Variants in RARRES1 observed in about 807,000 individuals in gnomAD.
The protein encoded by RARRES1 is retinoic acid receptor responder protein 1.
In RARRES1, 34 loss-of-function variants were observed where a neutral mutation model predicts 30.6. The observed-to-expected ratio is 1.11, with a 90% CI of 0.84 to 1.48. RARRES1 has a LOEUF of 1.48. Ranked by LOEUF, RARRES1 falls within the 40% of genes most tolerant of loss-of-function variation. The pLI, the probability that RARRES1 is intolerant of heterozygous loss-of-function variation, is 0.00. For synonymous variants in RARRES1, 153 were observed against 155.5 expected, an observed-to-expected ratio of 0.98 and a Z score of 0.12; for missense variants, 373 against 386.5, an observed-to-expected ratio of 0.97 and a Z score of 0.29.
chr3:158,725,678 A>G (rs76748612), intron 1 of RARRES1, among the ~76,000 whole-genome samples: 1 of 152,258 alleles, frequency 6.6e-6, no homozygotes, highest in South Asian at 2.1e-4. Context: ...GGTAAAAAAA[A>G]CATTCCTACT....
chr3:158,728,364 C>T (rs1322530505), intron 1 of RARRES1, among the ~76,000 whole-genome samples: 2 of 152,168 alleles, frequency 1.3e-5, no homozygotes, highest in African/African-American at 4.8e-5. Flanking sequence ...CTACACTTCT[C>T]TTCCTTACCT....
chr3:158,710,908 C>T lies in RARRES1; in HGVS notation c.365G>A (p.Arg122His), dbSNP rs375257995. The change falls in exon 3 of 6, where the codon CGT (arginine) becomes CAT (histidine). Residue 122 changes from arginine to histidine, a missense_variant. By Grantham distance (29) the Arg-to-His change is conservative. Coordinates refer to ENST00000237696, the MANE Select transcript of RARRES1 (RefSeq NM_206963.2). ...CACTCGAGCAGAACATTTCCCCAAA[C>T]GTCCCTCACCTTCCTGAAGTAAAGA... ...PESLLQEGEG[R>H]LGKCSARVFF... is the part of the protein sequence containing the mutation. 6.2e-6 allele frequency: 10 copies of T among 1,613,798 alleles called. No individual in the cohort carries two copies. Among genetic ancestry groups the T allele is most frequent in the African/African-American group, 2.7e-5 (2 of 74,864 alleles).
intron 1 of RARRES1, among the ~76,000 whole-genome samples, chr3:158,716,809 C>G (rs1727336747): frequency 6.6e-6 from 1 of 152,178 alleles, no homozygotes; most frequent in Admixed American, 6.5e-5. Flanking sequence ...GTTTCGAACT[C>G]CTCAGCTCAG....
chr3:158,729,753 A>G (rs1270083506), intron 1 of RARRES1, among the ~76,000 whole-genome samples: 1 of 152,054 alleles, frequency 6.6e-6, no homozygotes, highest in Non-Finnish European at 1.5e-5. Context: ...CGCCCAGCCT[A>G]TTATTCCTTT....
intron 1 of RARRES1, among the ~76,000 whole-genome samples, chr3:158,715,606 C>T (rs1727298201): frequency 6.6e-6 from 1 of 152,124 alleles, no homozygotes; most frequent in Admixed American, 6.5e-5. Context: ...GTGCCTGGGT[C>T]AGCATAAAAT....
At chr3:158,710,206 G>GT (rs34073811) in intron 3 of RARRES1, among the ~76,000 whole-genome samples, 2,304 of 134,388 alleles carry the variant, frequency 0.017, 28 homozygotes, top group Middle Eastern at 0.027. Flanking sequence ...AAAATGAGGA[G>GT]TTTTTTTTTT....
At chr3:158,711,911 A>G (rs150966145) in intron 2 of RARRES1, among the ~76,000 whole-genome samples, 4 of 152,282 alleles carry the variant, frequency 2.6e-5, no homozygotes, top group East Asian at 1.9e-4. Flanking sequence ...TTAAATGTAG[A>G]TGTTTTGGAT....
In RARRES1 at chr3:158,730,298, C is replaced by T. The variant is rs1197006430; in HGVS notation, c.276+1842G>A. 2.5e-5 allele frequency among the ~76,000 whole-genome samples: 3 copies of T among 118,018 alleles called. No homozygotes were observed. In the Admixed American group the frequency reaches 3.1e-4, roughly 12 times the overall value. The allele number at this position is 118,018 out of a possible 152,430, so 77.4% of individuals were successfully genotyped here. A position where few individuals can be genotyped will look rare whatever the true frequency, so the allele number is the denominator to read the frequency against. The stretch of plus-strand genomic sequence containing the variant: ...TCGCAGCGCTGCACTCCAGCCTGGG[C>T]AACAGAGCAAGACTCTGTCTCAAAA... On this transcript the variant is annotated intron_variant, in intron 1 of 5. Transcript: ENST00000237696.
At chr3:158,712,851 A>T (rs1263226664) in intron 2 of RARRES1, among the ~76,000 whole-genome samples, 1 of 152,248 alleles carries the variant, frequency 6.6e-6, no homozygotes, top group Non-Finnish European at 1.5e-5. Flanking sequence ...AGGGAAGCAT[A>T]TTGTTGGTGA....
intron 1 of RARRES1, 75 bp downstream of exon 1, chr3:158,732,065 C>T: frequency 1.6e-6 from 2 of 1,236,476 alleles, no homozygotes; most frequent in Non-Finnish European, 2.0e-6. Flanking sequence ...GGCAGGCGCG[C>T]GTACCCAGGT....
rs150797178 is a variant in RARRES1 at position 158,702,130 on chromosome 3, C to T, written c.672+2661G>A. Among the ~76,000 whole-genome samples the T allele has an allele frequency of 5.1e-3, 783 of 152,192 alleles. 7 individuals carry two copies. Among genetic ancestry groups the T allele is most frequent in the African/African-American group, 0.018 (756 of 41,536 alleles). ...TCACCTCACTGCAACCTCCGCCTCC[C>T]GGGTTCAAGCGATTCTCCTACCTCA... On this transcript the variant is annotated intron_variant, in intron 4 of 5. Coordinates refer to ENST00000237696, the MANE Select transcript of RARRES1 (RefSeq NM_206963.2).
At chr3:158,709,032 A>C (rs1299771060) in intron 3 of RARRES1, among the ~76,000 whole-genome samples, 1 of 152,226 alleles carries the variant, frequency 6.6e-6, no homozygotes, top group Non-Finnish European at 1.5e-5. Flanking sequence ...ATAATTTTAC[A>C]TACACAGACA....
chr3:158,721,162 C>T (rs1449728240), intron 1 of RARRES1, among the ~76,000 whole-genome samples: 2 of 152,054 alleles, frequency 1.3e-5, no homozygotes, highest in Admixed American at 6.6e-5. Context: ...AGTGTGTGTG[C>T]CAGGGCATGG....
intron 1 of RARRES1, among the ~76,000 whole-genome samples, chr3:158,720,382 C>T (rs570057892): frequency 1.3e-5 from 2 of 152,012 alleles, no homozygotes; most frequent in African/African-American, 4.8e-5. Context: ...GGGAGACTGC[C>T]AGGCATGATG....
intron 4 of RARRES1, 87 bp downstream of exon 4, chr3:158,704,704 A>C: frequency 6.7e-7 from 1 of 1,497,324 alleles, no homozygotes; most frequent in Non-Finnish European, 8.9e-7. Context: ...TCTTGATATG[A>C]AATTAGAAGT....
chr3:158,725,789 C>G (rs1365622393), intron 1 of RARRES1, among the ~76,000 whole-genome samples: 1 of 152,158 alleles, frequency 6.6e-6, no homozygotes, highest in Admixed American at 6.5e-5. Context: ...CCTTTCTCAC[C>G]CCATGCTAGA....
chr3:158,726,538 A>T (rs1727694586), intron 1 of RARRES1, among the ~76,000 whole-genome samples: 1 of 152,222 alleles, frequency 6.6e-6, no homozygotes, highest in Admixed American at 6.5e-5. Context: ...TGTACTTAGT[A>T]CCTCATTACA....
At position 158,704,899 on chromosome 3, in the gene RARRES1, C is replaced by G; in HGVS notation, c.564G>C (p.Leu188=). 6.2e-7 allele frequency: 1 copy of G among 1,613,462 alleles called. No individual in the cohort carries two copies. The highest frequency in any genetic ancestry group is 8.5e-7 in the Non-Finnish European group (1 of 1,179,830). The part of the protein sequence containing the change: ...PDNHGHIDPS[L]RLIWDLAFLG... ...GGAAAGCCAAATCCCAGATGAGTCT[C>G]AGAGAGGGATCAATATGTCCATGAT... The change falls in exon 4 of 6, where the codon CTG becomes CTC. Residue 188 remains leucine (L), a synonymous_variant. Coordinates refer to ENST00000237696, the MANE Select transcript of RARRES1 (RefSeq NM_206963.2).
chr3:158,702,471 TTTTTGTAC>T (rs1287555727), intron 4 of RARRES1, among the ~76,000 whole-genome samples: 1 of 152,212 alleles, frequency 6.6e-6, no homozygotes, highest in Non-Finnish European at 1.5e-5. Context: ...ACACCTGCTA[TTTTTGTAC>T]CCTAGTATGT....
Sources: allele counts gnomAD v4.1 joint callset (sites outside exome capture counted in the v4.1 genomes callset), GRCh38; gene constraint gnomAD v4.1.1; transcripts MANE v1.5; gene names NCBI Gene and HGNC (gene_info 2026-07-23, HGNC 2026-07-21).